Variants in GOLPH3 observed in about 807,000 individuals in gnomAD.
The protein encoded by GOLPH3 is coat protein GPP34.
A neutral mutation model predicts 28.5 loss-of-function variants in GOLPH3; 14 were observed. The observed-to-expected ratio is 0.49, with a 90% confidence interval of 0.32 to 0.77. GOLPH3 has a LOEUF of 0.77. Among genes scored for constraint, GOLPH3 ranks in the 30% least tolerant of loss-of-function variants. GOLPH3 has a pLI of 0.03. For synonymous variants in GOLPH3, 158 were observed against 159.2 expected, an observed-to-expected ratio of 0.99 and a Z score of 0.06; for missense variants, 350 against 393.7, an observed-to-expected ratio of 0.89 and a Z score of 0.94.
intron 1 of GOLPH3, among the ~76,000 whole-genome samples, chr5:32,154,412 T>C (rs1375386488): frequency 6.6e-6 from 1 of 152,190 alleles, no homozygotes; most frequent in African/African-American, 2.4e-5. Context: ...AATTCCAATG[T>C]AGTAGTGAGC....
At position 32,160,383 on chromosome 5, in the gene GOLPH3, T is replaced by C. The variant is rs563434912; in HGVS notation, c.225+13427A>G. 8.9e-4 allele frequency among the ~76,000 whole-genome samples: 135 copies of C among 152,290 alleles called. 4 individuals carry two copies. In the South Asian group the frequency reaches 0.027, roughly 31 times the overall value. On this transcript the variant is annotated intron_variant, in intron 1 of 3. Coordinates refer to ENST00000265070, the MANE Select transcript of GOLPH3 (RefSeq NM_022130.4). ...ATGAGCCATCATACCCAGCTGGAAGTAATATATTTCAAGAATAATTTTAAC... is the reference window on the plus strand; with the variant it reads ...ATGAGCCATCATACCCAGCTGGAAGCAATATATTTCAAGAATAATTTTAAC...
chr5:32,142,176 C>A (rs568022662), intron 2 of GOLPH3, among the ~76,000 whole-genome samples: 121 of 151,092 alleles, frequency 8.0e-4, no homozygotes, highest in African/African-American at 2.4e-3. Context: ...TCTTCCCGGC[C>A]GCCATCACAT....
rs539984044 is a variant in GOLPH3, at chr5:32,158,380, C to A, written c.226-14500G>T. Among the ~76,000 whole-genome samples the A allele has an allele frequency of 3.9e-5, 6 of 152,230 alleles. 1 individual carries two copies. The South Asian group carries it at 1.0e-3, about 26-fold the overall frequency. Reference sequence around the variant, plus strand: ...CTGCCTAAAGCTAATCCTACCCATTCTCTCCTACTTCCCTTTGTTCACAAC... The same window carrying A: ...CTGCCTAAAGCTAATCCTACCCATTATCTCCTACTTCCCTTTGTTCACAAC... On this transcript the variant is annotated intron_variant, in intron 1 of 3. Transcript: ENST00000265070.
chr5:32,173,159 G>T (rs1359225857), intron 1 of GOLPH3, among the ~76,000 whole-genome samples: 1 of 152,010 alleles, frequency 6.6e-6, no homozygotes, highest in African/African-American at 2.4e-5. Context: ...TTCATCAACT[G>T]ATAAAATATA....
intron 1 of GOLPH3, among the ~76,000 whole-genome samples, chr5:32,162,364 C>A (rs796495606): frequency 1.4e-5 from 2 of 145,792 alleles, no homozygotes; most frequent in South Asian, 2.1e-4. Context: ...TGGTGGCAGG[C>A]GCCTGTAGTC....
intron 1 of GOLPH3, among the ~76,000 whole-genome samples, chr5:32,156,010 C>G (rs1280454698): frequency 7.9e-6 from 1 of 126,564 alleles, no homozygotes. Flanking sequence ...TAACCCCCAA[C>G]AGGGTCTCTG....
chr5:32,132,923 T>G (rs186077932), intron 3 of GOLPH3, among the ~76,000 whole-genome samples: 1 of 152,342 alleles, frequency 6.6e-6, no homozygotes, highest in East Asian at 1.9e-4. Context: ...TTTTTCCTCC[T>G]TCTCCCACTC....
chr5:32,141,037 C>T (rs1746050415), intron 2 of GOLPH3, among the ~76,000 whole-genome samples: 1 of 151,838 alleles, frequency 6.6e-6, no homozygotes, highest in African/African-American at 2.4e-5. Context: ...GCAGCACACG[C>T]CTGTAGTACC....
At chr5:32,172,360 CTTTT>C (rs767230819) in intron 1 of GOLPH3, among the ~76,000 whole-genome samples, 1 of 137,740 alleles carries the variant, frequency 7.3e-6, no homozygotes, top group Admixed American at 7.3e-5. Context: ...TTTTGTAAGA[CTTTT>C]TTTTTTTTTT....
chr5:32,135,320 T>C (rs908611807), intron 3 of GOLPH3, among the ~76,000 whole-genome samples: 2 of 152,244 alleles, frequency 1.3e-5, no homozygotes, highest in Admixed American at 6.5e-5. Flanking sequence ...TAAGGTAGCA[T>C]GTGGTAATTT....
chr5:32,144,612 T>C (rs544871271), intron 1 of GOLPH3, among the ~76,000 whole-genome samples: 1 of 152,308 alleles, frequency 6.6e-6, no homozygotes, highest in South Asian at 2.1e-4. Context: ...CTGTTAATTT[T>C]GTAAGAAGAT....
intron 1 of GOLPH3, among the ~76,000 whole-genome samples, chr5:32,161,883 A>T (rs6863868): frequency 0.02 from 3,045 of 150,458 alleles, 299 homozygotes; most frequent in African/African-American, 0.072. Context: ...AAAAATTAGC[A>T]GGGCATGGTG....
chr5:32,131,788 G>A (rs951926863), intron 3 of GOLPH3, among the ~76,000 whole-genome samples: 21 of 152,168 alleles, frequency 1.4e-4, no homozygotes, highest in African/African-American at 4.8e-4. Flanking sequence ...CATGCTGACA[G>A]GTACCTAAAT....
intron 1 of GOLPH3, among the ~76,000 whole-genome samples, chr5:32,157,442 TA>T (rs970290469): frequency 2.6e-5 from 4 of 152,156 alleles, no homozygotes; most frequent in Admixed American, 1.3e-4. Context: ...GTGCTATTAT[TA>T]TCAATCCCAA....
chr5:32,160,213 G>C (rs910177812), intron 1 of GOLPH3, among the ~76,000 whole-genome samples: 4 of 152,030 alleles, frequency 2.6e-5, no homozygotes, highest in African/African-American at 9.7e-5. Context: ...AAAATTATTG[G>C]AAGTAATAAA....
At chr5:32,135,540 A>G in intron 3 of GOLPH3, 32 bp downstream of exon 3, 1 of 1,251,366 alleles carries the variant, frequency 8.0e-7, no homozygotes, top group Admixed American at 1.8e-5. Flanking sequence ...TTTAAACAGA[A>G]GTTGGTTTTT....
chr5:32,142,212 C>T (rs1332913997), intron 2 of GOLPH3, among the ~76,000 whole-genome samples: 4 of 151,364 alleles, frequency 2.6e-5, no homozygotes, highest in African/African-American at 4.9e-5. Context: ...CGTCTCTGCC[C>T]GGCCGCCCAT....
At chr5:32,166,765 C>T (rs1274075346) in intron 1 of GOLPH3, among the ~76,000 whole-genome samples, 1 of 151,188 alleles carries the variant, frequency 6.6e-6, no homozygotes, top group East Asian at 1.9e-4. Flanking sequence ...CAAGACGGTG[C>T]CATTGCACTT....
chr5:32,125,495 A>C lies in GOLPH3; in HGVS notation c.*717T>G, dbSNP rs1467641167. ...GGTGTACAACTGATTAGATCTTGCA[A>C]AATACTAAGATGGGAGCAGGGGTGG... On this transcript the variant is annotated 3_prime_UTR_variant, in exon 4 of 4. Coordinates refer to ENST00000265070, the MANE Select transcript of GOLPH3 (RefSeq NM_022130.4). 6.6e-6 allele frequency: 1 copy of C among 152,614 alleles called. No individual in the cohort carries two copies. Among genetic ancestry groups the C allele is most frequent in the East Asian group, 1.9e-4 (1 of 5,204 alleles). The allele number at this position is 152,614 out of a possible 1,614,324, so 9.5% of individuals were successfully genotyped here.
Sources: gnomAD v4.1 joint callset for allele counts (sites outside exome capture counted in the v4.1 genomes callset) on GRCh38, gnomAD v4.1.1 for gene constraint, MANE v1.5 for transcripts, NCBI Gene and HGNC (gene_info 2026-07-23, HGNC 2026-07-21) for gene names.